SLC25A13: variants seen among roughly 807,000 people sequenced by gnomAD.
SLC25A13 encodes the protein solute carrier family 25 member 13.
SLC25A13 carries 70 observed loss-of-function variants against 85.5 expected under a neutral mutation model. That is an observed-to-expected ratio of 0.82 (90% CI 0.68 to 1.00). The LOEUF is 1.00. Among genes scored for constraint, SLC25A13 ranks in the 50% least tolerant of loss-of-function variants. SLC25A13 has a pLI of 0.00. For missense variants in SLC25A13, 765 were observed against 819.8 expected, an observed-to-expected ratio of 0.93 and a Z score of 0.82; for synonymous variants, 259 against 288.7, an observed-to-expected ratio of 0.90 and a Z score of 1.04.
At chr7:96,274,345 T>C (rs981849052) in intron 3 of SLC25A13, among the ~76,000 whole-genome samples, 1 of 152,260 alleles carries the variant, frequency 6.6e-6, no homozygotes, top group Non-Finnish European at 1.5e-5. Context: ...GCCCACTTGT[T>C]GATGGCGCTG....
chr7:96,219,216 C>T (rs1054144921), intron 4 of SLC25A13, among the ~76,000 whole-genome samples: 14 of 152,138 alleles, frequency 9.2e-5, no homozygotes, highest in Non-Finnish European at 1.9e-4. Context: ...ATAAGTACTT[C>T]ACATTAAAAT....
chr7:96,144,567 G>A (rs1474016484), intron 14 of SLC25A13, among the ~76,000 whole-genome samples: 1 of 152,160 alleles, frequency 6.6e-6, no homozygotes, highest in East Asian at 1.9e-4. Context: ...ATATGGGAGA[G>A]TTCTCTTGCT....
At chr7:96,239,241 A>G (rs1796871871) in intron 3 of SLC25A13, among the ~76,000 whole-genome samples, 1 of 149,904 alleles carries the variant, frequency 6.7e-6, no homozygotes, top group South Asian at 2.1e-4. Context: ...TAGATGAACC[A>G]TAAAATCATA....
chr7:96,151,644 T>TA (rs1793051267), intron 13 of SLC25A13, among the ~76,000 whole-genome samples: 1 of 149,294 alleles, frequency 6.7e-6, no homozygotes, highest in Non-Finnish European at 1.5e-5. Flanking sequence ...ATAAGGTAAG[T>TA]AATAAGATAA....
At chr7:96,161,970 T>C (rs1793523648) in intron 13 of SLC25A13, among the ~76,000 whole-genome samples, 1 of 152,248 alleles carries the variant, frequency 6.6e-6, no homozygotes, top group South Asian at 2.1e-4. Context: ...ATCACTATAA[T>C]GCATAATGTA....
chr7:96,208,269 T>C (rs1444565386), intron 5 of SLC25A13, among the ~76,000 whole-genome samples: 6 of 152,212 alleles, frequency 3.9e-5, no homozygotes, highest in Non-Finnish European at 8.8e-5. Context: ...GGCCTCAATG[T>C]GTATTCCTTC....
At chr7:96,228,714 G>A (rs1002175364) in intron 4 of SLC25A13, among the ~76,000 whole-genome samples, 1 of 152,110 alleles carries the variant, frequency 6.6e-6, no homozygotes, top group African/African-American at 2.4e-5. Context: ...GAGATAGACC[G>A]TGTGGGCAGG....
intron 1 of SLC25A13, among the ~76,000 whole-genome samples, chr7:96,313,091 T>C (rs1390825467): frequency 6.6e-6 from 1 of 152,184 alleles, no homozygotes; most frequent in Non-Finnish European, 1.5e-5. Flanking sequence ...TCAGCAGAGT[T>C]TGAAATATCT....
chr7:96,314,727 G>A (rs1404756980), intron 1 of SLC25A13, among the ~76,000 whole-genome samples: 1 of 152,214 alleles, frequency 6.6e-6, no homozygotes, highest in Non-Finnish European at 1.5e-5. Context: ...GCAGAGACTG[G>A]TCATGGGACT....
In SLC25A13 at chr7:96,171,458, C is replaced by G. The variant is rs779536772; in HGVS notation, c.1230+14G>C. ...AAAATCCCTTAATAAGAAGCACCAA[C>G]TCAAAAGACTTACTGTAAGTTTTAT... On this transcript the variant is annotated intron_variant, in intron 12 of 17. Coordinates refer to ENST00000265631, the MANE Select transcript of SLC25A13 (RefSeq NM_014251.3). 10 of 1,610,506 alleles carry G rather than the reference C, an allele frequency of 6.2e-6. No homozygotes were observed. Among genetic ancestry groups the G allele is most frequent in the Non-Finnish European group, 8.5e-6 (10 of 1,176,774 alleles).
At position 96,192,497 on chromosome 7, in the gene SLC25A13, A is replaced by T. The variant is rs180862364; in HGVS notation, c.615+540T>A. Among the ~76,000 whole-genome samples, 6 of 152,256 alleles carry T rather than the reference A, an allele frequency of 3.9e-5. No individual in the cohort carries two copies. The East Asian group carries it at 1.2e-3, about 29-fold the overall frequency. ...CCACCACCACAGAATGTTGCAGGAC[A>T]TCCCCAGGGCCCATGAGGGAAGGAC... On this transcript the variant is annotated intron_variant, in intron 6 of 17. Coordinates refer to ENST00000265631, the MANE Select transcript of SLC25A13 (RefSeq NM_014251.3).
At chr7:96,162,485 C>T (rs904880470) in intron 13 of SLC25A13, among the ~76,000 whole-genome samples, 6 of 151,920 alleles carry the variant, frequency 3.9e-5, no homozygotes, top group Non-Finnish European at 5.9e-5. Flanking sequence ...ATCTGGGTGG[C>T]GCCATGACTC....
intron 9 of SLC25A13, among the ~76,000 whole-genome samples, chr7:96,185,825 G>A (rs577788241): frequency 2.1e-4 from 31 of 148,628 alleles, no homozygotes; most frequent in African/African-American, 6.5e-4. Context: ...GCGTGAACCC[G>A]TGAGGTGAAG....
At chr7:96,321,851 G>T in intron 1 of SLC25A13, 91 bp downstream of exon 1, 1 of 1,425,926 alleles carries the variant, frequency 7.0e-7, no homozygotes, top group Non-Finnish European at 9.2e-7. Flanking sequence ...TCCGCCTGTG[G>T]CACCAACCCA....
chr7:96,229,043 C>G (rs1796426661), intron 4 of SLC25A13, among the ~76,000 whole-genome samples: 1 of 152,232 alleles, frequency 6.6e-6, no homozygotes, highest in Admixed American at 6.5e-5. Flanking sequence ...GTGCCGCCCC[C>G]TGCTCCGCAG....
chr7:96,209,104 A>G (rs1318548904), intron 4 of SLC25A13, 127 bp from the exon 5 acceptor site: 1 of 895,212 alleles, frequency 1.1e-6, no homozygotes, highest in East Asian at 2.7e-5. Context: ...AGACATACAG[A>G]TTACAAACTA....
chr7:96,316,847 T>C (rs914434233), intron 1 of SLC25A13, among the ~76,000 whole-genome samples: 3 of 152,162 alleles, frequency 2.0e-5, no homozygotes. Context: ...CCATATACTT[T>C]ATTCTCCACC....
intron 13 of SLC25A13, among the ~76,000 whole-genome samples, chr7:96,148,022 A>G (rs1562794617): frequency 6.6e-6 from 1 of 152,110 alleles, no homozygotes; most frequent in Non-Finnish European, 1.5e-5. Context: ...AGTTTACCTA[A>G]TATGTGTAAT....
chr7:96,300,730 A>G (rs1325470589), intron 1 of SLC25A13, among the ~76,000 whole-genome samples: 2 of 152,174 alleles, frequency 1.3e-5, no homozygotes, highest in Non-Finnish European at 2.9e-5. Flanking sequence ...GATCACCACA[A>G]GATTTCTCTG....
Sources: allele counts gnomAD v4.1 joint callset (sites outside exome capture counted in the v4.1 genomes callset), GRCh38; gene constraint gnomAD v4.1.1; transcripts MANE v1.5; gene names NCBI Gene and HGNC (gene_info 2026-07-23, HGNC 2026-07-21).